Variants in LARP4B observed in about 807,000 individuals in gnomAD.
LARP4B encodes the protein la-related protein 4B.
LARP4B carries 12 observed loss-of-function variants against 89.8 expected under a neutral mutation model. That is an observed-to-expected ratio of 0.13 (90% confidence interval 0.09 to 0.22). LARP4B has a LOEUF of 0.22. Ranked by LOEUF, LARP4B falls within the 10% of genes least tolerant of loss-of-function variation. The probability of loss-of-function intolerance (pLI) is 1.00; values close to 1 mark genes in which losing one functional copy is unlikely to be tolerated. For missense variants in LARP4B, 757 were observed against 947.7 expected (o/e 0.80, Z 2.64); for synonymous variants, 367 against 363.3 (o/e 1.01, Z -0.12).
In LARP4B at chr10:815,012, G is replaced by A. The variant is rs371846156; in HGVS notation, c.1754C>T (p.Ser585Leu). The change falls in exon 16 of 18, where the codon TCG becomes TTG. Residue 585 changes from serine to leucine, a missense_variant. Transcript: ENST00000316157. ...TGATACAGCACAAGAAGCCGGCACC[G>A]AGGGCTCTCTGGAGACCACTACAGG... ...TLPVVVSREPSVPASCAVSAT... is the reference protein window; with the variant it reads ...TLPVVVSREPLVPASCAVSAT... 10 of 1,609,138 alleles carry A rather than the reference G, an allele frequency of 6.2e-6. No individual in the cohort carries two copies. The highest frequency in any genetic ancestry group is 4.5e-5 in the East Asian group (2 of 44,782).
Position 813,502 on chromosome 10 carries a change from G to A in LARP4B, c.1930-289C>T, listed in dbSNP as rs565687809. On this transcript the variant is annotated intron_variant, in intron 17 of 17. Transcript: ENST00000316157. ...AGCCCTATGCCTGCTTGGGCAATGC[G>A]GAAGCCTAGGAAGAGTCCGGATGCT... Among the ~76,000 whole-genome samples, 11 of 152,314 alleles carry A rather than the reference G, an allele frequency of 7.2e-5. 1 individual carries two copies. In the South Asian group the frequency reaches 1.9e-3, roughly 26 times the overall value.
Position 892,375 on chromosome 10 carries a change from A to T in LARP4B, c.-39-6615T>A, listed in dbSNP as rs185598319. On this transcript the variant is annotated intron_variant, in intron 1 of 17. Coordinates refer to ENST00000316157, the MANE Select transcript of LARP4B (RefSeq NM_015155.3). ...TGGGAGACCATAACTCTCTTAAATC[A>T]GTTTCTAAAAATTTCTTTTCATGTA... Among the ~76,000 whole-genome samples the T allele has an allele frequency of 2.0e-5, 3 of 152,318 alleles. No individual in the cohort carries two copies. In the East Asian group the frequency reaches 5.8e-4, roughly 29 times the overall value.
At chr10:863,663 G>A (rs908089093) in intron 5 of LARP4B, 80 bp downstream of exon 5, 9 of 1,402,848 alleles carry the variant, frequency 6.4e-6, no homozygotes, top group Non-Finnish European at 8.7e-6. Context: ...ATTGTGTAGA[G>A]AATGTTAATA....
rs1481096938 is a variant in LARP4B at position 818,044 on chromosome 10, C to T, written c.1531-155G>A. Reference sequence around the variant, plus strand: ...CTCAATTGAAGGTTCTCCCAAGCAACTTCAACCATCTAGAGCAGAGCTGTA... The same window carrying T: ...CTCAATTGAAGGTTCTCCCAAGCAATTTCAACCATCTAGAGCAGAGCTGTA... On this transcript the variant is annotated intron_variant, in intron 14 of 17. Transcript: ENST00000316157. 3 of 671,794 alleles carry T rather than the reference C, an allele frequency of 4.5e-6. No individual in the cohort carries two copies. In the East Asian group the frequency reaches 8.3e-5, roughly 19 times the overall value. 41.6% of individuals were successfully genotyped at this position (671,794 alleles called of 1,614,324 possible). A position where few individuals can be genotyped will look rare whatever the true frequency, so the allele number is the denominator to read the frequency against.
At chr10:921,368 C>T (rs907486249) in intron 1 of LARP4B, among the ~76,000 whole-genome samples, 1 of 152,066 alleles carries the variant, frequency 6.6e-6, no homozygotes, top group Non-Finnish European at 1.5e-5. Flanking sequence ...AATTTGTGGC[C>T]ATATAACGAT....
intron 1 of LARP4B, among the ~76,000 whole-genome samples, chr10:900,919 C>CT (rs34586444): frequency 0.047 from 4,721 of 101,186 alleles, 144 homozygotes; most frequent in South Asian, 0.069. Context: ...CGCCTGGCCT[C>CT]TTTTTTTTTT....
rs537799789 is a variant in LARP4B, at chr10:901,533, G to C, written c.-39-15773C>G. On this transcript the variant is annotated intron_variant, in intron 1 of 17. Coordinates refer to ENST00000316157, the MANE Select transcript of LARP4B (RefSeq NM_015155.3). ...TAGTGGGAACATTTACAGAGCAACA[G>C]ACTGCTGCTTCCAACAAAACTGTTA... is the stretch of plus-strand genomic sequence containing the variant. Among the ~76,000 whole-genome samples the C allele has an allele frequency of 3.3e-5, 5 of 152,240 alleles. No homozygotes were observed. In the East Asian group the frequency reaches 9.6e-4, roughly 29 times the overall value.
intron 1 of LARP4B, among the ~76,000 whole-genome samples, chr10:894,280 T>C (rs1422409313): frequency 3.9e-5 from 6 of 152,202 alleles, no homozygotes; most frequent in African/African-American, 1.4e-4. Flanking sequence ...ATCATACCTC[T>C]AGATCTTACT....
At chr10:975,349 G>A in the LARP4B span, among the ~76,000 whole-genome samples, 911 of 152,288 alleles carry the variant, frequency 6.0e-3, 8 homozygotes, top group African/African-American at 0.021. Context: ...ATGTCCCCAC[G>A]TGTTTAGTAC....
At chr10:898,381 C>G (rs1836247672) in intron 1 of LARP4B, among the ~76,000 whole-genome samples, 1 of 152,158 alleles carries the variant, frequency 6.6e-6, no homozygotes, top group Non-Finnish European at 1.5e-5. Flanking sequence ...TCATTCTACT[C>G]CTAGGGATAT....
chr10:918,750 A>G (rs1836896156), intron 1 of LARP4B, among the ~76,000 whole-genome samples: 1 of 152,012 alleles, frequency 6.6e-6, no homozygotes, highest in Non-Finnish European at 1.5e-5. Flanking sequence ...ACTTTACTCA[A>G]TCTTGTAGCA....
intron 5 of LARP4B, among the ~76,000 whole-genome samples, chr10:852,718 T>C (rs899998933): frequency 6.6e-6 from 1 of 152,196 alleles, no homozygotes; most frequent in African/African-American, 2.4e-5. Context: ...ATCATCTATG[T>C]AGAAAATCCA....
chr10:872,258 T>C (rs1835247676), intron 3 of LARP4B, among the ~76,000 whole-genome samples: 1 of 152,250 alleles, frequency 6.6e-6, no homozygotes, highest in African/African-American at 2.4e-5. Flanking sequence ...AGGGCAAGGC[T>C]TGGCTTTCCC....
At chr10:883,531 AT>A (rs774268460) in intron 3 of LARP4B, among the ~76,000 whole-genome samples, 11 of 152,064 alleles carry the variant, frequency 7.2e-5, no homozygotes, top group Admixed American at 2.0e-4. Flanking sequence ...TAATAAAAAA[AT>A]AAATTAAAAA....
the LARP4B span, among the ~76,000 whole-genome samples, chr10:938,103 C>T: frequency 2.0e-5 from 3 of 151,996 alleles, no homozygotes; most frequent in Admixed American, 1.3e-4. Context: ...AGGCTGGTCT[C>T]GAACTCCTGG....
At chr10:970,097 G>A in the LARP4B span, among the ~76,000 whole-genome samples, 4 of 152,290 alleles carry the variant, frequency 2.6e-5, no homozygotes, top group African/African-American at 9.6e-5. Flanking sequence ...ATGAAGTGTC[G>A]ACACAATGCT....
chr10:972,662 G>A, the LARP4B span: 14 of 457,268 alleles, frequency 3.1e-5, no homozygotes, highest in Admixed American at 2.8e-4. Context: ...CGTTTGACTG[G>A]TATGAAGTAT....
At chr10:924,032 G>C (rs892782429) in intron 1 of LARP4B, among the ~76,000 whole-genome samples, 2 of 151,906 alleles carry the variant, frequency 1.3e-5, no homozygotes, top group African/African-American at 4.8e-5. Context: ...CCAGGAATTC[G>C]AGACCAGACT....
intron 3 of LARP4B, among the ~76,000 whole-genome samples, chr10:883,574 CATAA>C (rs1006591125): frequency 7.5e-4 from 114 of 151,610 alleles, no homozygotes; most frequent in African/African-American, 2.5e-3. Context: ...AAAAATTTTA[CATAA>C]ATAATATATT....
Sources: allele counts gnomAD v4.1 joint callset (sites outside exome capture counted in the v4.1 genomes callset), GRCh38; gene constraint gnomAD v4.1.1; transcripts MANE v1.5; gene names NCBI Gene and HGNC (gene_info 2026-07-23, HGNC 2026-07-21).